KLHL3: variants seen among roughly 807,000 people sequenced by gnomAD.
KLHL3 encodes kelch-like protein 3.
In KLHL3, 19 loss-of-function variants were observed where a neutral mutation model predicts 70.5. That is an observed-to-expected ratio of 0.27 (90% CI 0.19 to 0.40). The LOEUF (loss-of-function observed/expected upper bound fraction) is 0.40, where lower values mean the gene tolerates loss of function less well. KLHL3 is among the 10% of genes least tolerant of loss of function. The pLI is 1.00. For missense variants in KLHL3, 512 were observed against 771.1 expected, an observed-to-expected ratio of 0.66 and a Z score of 3.98; for synonymous variants, 258 against 290.3, an observed-to-expected ratio of 0.89 and a Z score of 1.13.
chr5:137,649,511 A>C (rs1194091763), intron 8 of KLHL3, among the ~76,000 whole-genome samples: 1 of 152,178 alleles, frequency 6.6e-6, no homozygotes, highest in East Asian at 1.9e-4. Context: ...CTGCACCCCG[A>C]CCAACAGCTT....
chr5:137,652,166 G>A (rs1454629966), intron 8 of KLHL3, among the ~76,000 whole-genome samples: 2 of 151,918 alleles, frequency 1.3e-5, no homozygotes, highest in Non-Finnish European at 2.9e-5. Flanking sequence ...TTTATATAGA[G>A]CACAAAATAA....
chr5:137,725,758 T>A (rs1273659658), intron 1 of KLHL3, among the ~76,000 whole-genome samples: 1 of 152,238 alleles, frequency 6.6e-6, no homozygotes, highest in Non-Finnish European at 1.5e-5. Context: ...ATTTCCACAC[T>A]GGCCTGTTAC....
At chr5:137,702,635 A>T (rs550864619) in intron 3 of KLHL3, among the ~76,000 whole-genome samples, 1 of 152,330 alleles carries the variant, frequency 6.6e-6, no homozygotes, top group African/African-American at 2.4e-5. Context: ...AGATTTTTAT[A>T]TTGGGAAAAT....
At chr5:137,665,187 G>A (rs1751583668) in intron 6 of KLHL3, among the ~76,000 whole-genome samples, 1 of 152,176 alleles carries the variant, frequency 6.6e-6, no homozygotes, top group Admixed American at 6.5e-5. Flanking sequence ...AAGGTAGGGA[G>A]ACAGTTCTAG....
intron 6 of KLHL3, among the ~76,000 whole-genome samples, chr5:137,672,372 A>G (rs1031289596): frequency 1.3e-5 from 2 of 152,236 alleles, no homozygotes; most frequent in African/African-American, 4.8e-5. Flanking sequence ...ATCCTGGGAG[A>G]CAAGGGCCCA....
chr5:137,703,298 C>T (rs988165039), intron 3 of KLHL3, among the ~76,000 whole-genome samples: 17 of 152,314 alleles, frequency 1.1e-4, no homozygotes, highest in South Asian at 4.1e-4. Context: ...TTACCCTTTG[C>T]GCAATGATTC....
At chr5:137,669,194 G>A (rs1258783908) in intron 6 of KLHL3, among the ~76,000 whole-genome samples, 2 of 152,092 alleles carry the variant, frequency 1.3e-5, no homozygotes, top group Non-Finnish European at 2.9e-5. Flanking sequence ...CACTTTCACA[G>A]CACACTGCAC....
chr5:137,677,783 G>A (rs977000257), intron 5 of KLHL3, 129 bp from the exon 6 acceptor site: 22 of 517,690 alleles, frequency 4.2e-5, no homozygotes, highest in African/African-American at 4.2e-4. Flanking sequence ...GGGAAAGGGA[G>A]TGAAACAAAG....
intron 5 of KLHL3, among the ~76,000 whole-genome samples, chr5:137,678,822 C>A (rs1203032114): frequency 6.8e-6 from 1 of 146,800 alleles, no homozygotes; most frequent in Admixed American, 6.8e-5. Context: ...TTCCACTGGA[C>A]AAAAAGGGCT....
intron 8 of KLHL3, among the ~76,000 whole-genome samples, chr5:137,654,641 AAATC>A (rs1310408520): frequency 6.6e-6 from 1 of 152,232 alleles, no homozygotes; most frequent in Non-Finnish European, 1.5e-5. Flanking sequence ...ACATAACCTT[AAATC>A]ATTCAAGGAT....
chr5:137,723,299 T>TA (rs988372098), intron 1 of KLHL3, among the ~76,000 whole-genome samples: 5 of 152,092 alleles, frequency 3.3e-5, no homozygotes, highest in Non-Finnish European at 5.9e-5. Flanking sequence ...GGATTTTGAT[T>TA]AAAAAACTGC....
At chr5:137,644,220 C>G (rs900281150) in intron 8 of KLHL3, among the ~76,000 whole-genome samples, 10 of 152,142 alleles carry the variant, frequency 6.6e-5, no homozygotes, top group Non-Finnish European at 1.2e-4. Context: ...AGGTGCCCAC[C>G]ACCACACCCG....
At chr5:137,691,249 T>TA (rs1433858123) in intron 5 of KLHL3, among the ~76,000 whole-genome samples, 1 of 152,178 alleles carries the variant, frequency 6.6e-6, no homozygotes, top group South Asian at 2.1e-4. Context: ...CCCTTCTTAT[T>TA]AAAGTTTTCT....
chr5:137,680,182 C>T (rs899840785), intron 5 of KLHL3, among the ~76,000 whole-genome samples: 1 of 152,196 alleles, frequency 6.6e-6, no homozygotes, highest in Non-Finnish European at 1.5e-5. Flanking sequence ...CCAGAAGATA[C>T]CTTCCTGAAT....
rs1750277328 is a variant in KLHL3, at chr5:137,620,893, A to T, written c.*1205T>A. 1 of 152,260 alleles carries T rather than the reference A, an allele frequency of 6.6e-6. No homozygotes were observed. The highest frequency in any genetic ancestry group is 6.5e-5 in the Admixed American group (1 of 15,288). 9.4% of individuals were successfully genotyped at this position (152,260 alleles called of 1,614,324 possible). A position where few individuals can be genotyped will look rare whatever the true frequency, so the allele number is the denominator to read the frequency against. ...AGGGGGAAAGCACAAGAAAAAGAAG[A>T]CAAGGACATTAGACAGACTTGACCA... On this transcript the variant is annotated 3_prime_UTR_variant, in exon 15 of 15. Coordinates refer to ENST00000309755, the MANE Select transcript of KLHL3 (RefSeq NM_017415.3).
At chr5:137,676,863 T>C (rs1158724198) in intron 6 of KLHL3, among the ~76,000 whole-genome samples, 2 of 152,286 alleles carry the variant, frequency 1.3e-5, no homozygotes, top group African/African-American at 4.8e-5. Context: ...TTTTTACTGG[T>C]AGAAGAGGAA....
At chr5:137,640,766 C>A (rs781332817) in intron 8 of KLHL3, among the ~76,000 whole-genome samples, 2 of 152,194 alleles carry the variant, frequency 1.3e-5, no homozygotes, top group Admixed American at 1.3e-4. Context: ...AGACAGGATC[C>A]AAGCAAACAC....
intron 8 of KLHL3, chr5:137,647,682 G>A (rs1751088833): frequency 2.3e-6 from 1 of 441,208 alleles, no homozygotes; most frequent in South Asian, 1.6e-5. Flanking sequence ...GCATGTCGAG[G>A]TCGAGCCAGA....
chr5:137,632,584 G>A (rs1186867821), intron 12 of KLHL3, among the ~76,000 whole-genome samples: 1 of 152,098 alleles, frequency 6.6e-6, no homozygotes, highest in Admixed American at 6.5e-5. Context: ...AACTCTTCTG[G>A]GCATTGGCCT....
Sources: gnomAD v4.1 joint callset for allele counts (sites outside exome capture counted in the v4.1 genomes callset) on GRCh38, gnomAD v4.1.1 for gene constraint, MANE v1.5 for transcripts, NCBI Gene and HGNC (gene_info 2026-07-23, HGNC 2026-07-21) for gene names.